Variants in COL5A2 observed in about 807,000 individuals in gnomAD.
COL5A2 encodes the protein collagen type V alpha 2 chain.
In COL5A2, 23 loss-of-function variants were observed where a neutral mutation model predicts 208.2. The ratio of observed to expected loss-of-function variants is 0.11; its 90% CI spans 0.08 to 0.16. The LOEUF (loss-of-function observed/expected upper bound fraction) is 0.16. COL5A2 is among the 10% of genes least tolerant of loss of function. The pLI is 1.00. For synonymous variants in COL5A2, 625 were observed against 628.5 expected (o/e 0.99, Z 0.08); for missense variants, 1,590 against 1,956.4 (o/e 0.81, Z 3.53).
chr2:189,183,801 T>C (rs1393207382), upstream of COL5A2, among the ~76,000 whole-genome samples: 1 of 152,186 alleles, frequency 6.6e-6, no homozygotes, highest in Non-Finnish European at 1.5e-5. Flanking sequence ...TAATAATGCA[T>C]GCCTATTTCT....
the COL5A2 span, among the ~76,000 whole-genome samples, chr2:189,289,153 C>A: frequency 6.6e-6 from 1 of 151,974 alleles, no homozygotes; most frequent in African/African-American, 2.4e-5. Flanking sequence ...ACCAGCCTGG[C>A]CAACATGGTG....
chr2:189,046,905 TGAGGTCAA>T (rs1319846657), intron 45 of COL5A2, among the ~76,000 whole-genome samples: 1 of 151,794 alleles, frequency 6.6e-6, no homozygotes, highest in Non-Finnish European at 1.5e-5. Flanking sequence ...GGCCGGATCA[TGAGGTCAA>T]GAGATCGAGA....
At chr2:189,439,818 A>T in the COL5A2 span, among the ~76,000 whole-genome samples, 1 of 152,240 alleles carries the variant, frequency 6.6e-6, no homozygotes, top group African/African-American at 2.4e-5. Context: ...AGTAACATAC[A>T]ACTAAAGTCA....
chr2:189,229,191 T>G (rs1280299679), upstream of COL5A2, among the ~76,000 whole-genome samples: 1 of 151,608 alleles, frequency 6.6e-6, no homozygotes, highest in Non-Finnish European at 1.5e-5. Flanking sequence ...AAGTCCACAG[T>G]GAACATCATA....
At chr2:189,312,195 T>A in the COL5A2 span, among the ~76,000 whole-genome samples, 979 of 152,274 alleles carry the variant, frequency 6.4e-3, 3 homozygotes, top group Non-Finnish European at 0.011. Flanking sequence ...CTTCTCCAGG[T>A]GCTCCCGGAT....
intron 6 of COL5A2, among the ~76,000 whole-genome samples, chr2:189,096,468 A>G (rs1686912709): frequency 6.6e-6 from 1 of 151,926 alleles, no homozygotes; most frequent in African/African-American, 2.4e-5. Flanking sequence ...AAAAAATACA[A>G]AAAATTAGCT....
the COL5A2 span, among the ~76,000 whole-genome samples, chr2:189,428,560 G>A: frequency 6.6e-6 from 1 of 152,136 alleles, no homozygotes; most frequent in Admixed American, 6.5e-5. Context: ...GGAGGTTGCA[G>A]TGAGCCAAGA....
rs1685509304 is a variant in COL5A2 at position 189,039,347 on chromosome 2, T to C, written c.3850A>G (p.Ser1284Gly). Reference sequence around the variant, plus strand: ...GGGTGCTTTTTCGAGCCATCGGGGCTGCGCATGGTTTCAATCTGACTACTG... The same window carrying C: ...GGGTGCTTTTTCGAGCCATCGGGGCCGCGCATGGTTTCAATCTGACTACTG... ...SLSSQIETMR[S>G]PDGSKKHPAR... Residue 1284 changes from serine to glycine, a missense_variant, in exon 51 of 54, where the codon AGC (serine) becomes GGC (glycine). Physicochemically the swap from Ser to Gly is moderately conservative, Grantham distance 56. Transcript: ENST00000374866. 6.2e-7 allele frequency: 1 copy of C among 1,613,978 alleles called. No individual in the cohort carries two copies. Among genetic ancestry groups the C allele is most frequent in the South Asian group, 1.1e-5 (1 of 91,084 alleles).
chr2:189,183,002 A>C (rs1002755897), upstream of COL5A2, among the ~76,000 whole-genome samples: 7 of 152,048 alleles, frequency 4.6e-5, no homozygotes, highest in African/African-American at 9.7e-5. Context: ...CCTCACTAAT[A>C]GTCAATCTTG....
chr2:189,126,811 A>T (rs1294141061), intron 1 of COL5A2, among the ~76,000 whole-genome samples: 2 of 152,100 alleles, frequency 1.3e-5, no homozygotes, highest in Non-Finnish European at 2.9e-5. Flanking sequence ...CCACAGAAAT[A>T]CTGCACTGCA....
At chr2:189,427,075 G>A in the COL5A2 span, among the ~76,000 whole-genome samples, 1 of 152,232 alleles carries the variant, frequency 6.6e-6, no homozygotes, top group Non-Finnish European at 1.5e-5. Flanking sequence ...AGGCATTTCA[G>A]AGACCCTCAT....
chr2:189,332,637 G>GA, the COL5A2 span, among the ~76,000 whole-genome samples: 1 of 152,182 alleles, frequency 6.6e-6, no homozygotes, highest in Admixed American at 6.5e-5. Context: ...ATCCATGTAA[G>GA]ATGTGACTTG....
At chr2:189,110,623 T>C (rs1320549310) in intron 1 of COL5A2, among the ~76,000 whole-genome samples, 174 bp from the exon 2 acceptor site, 1 of 152,166 alleles carries the variant, frequency 6.6e-6, no homozygotes, top group East Asian at 1.9e-4. Flanking sequence ...TAATTCACCA[T>C]GAAATAATGA....
At chr2:189,229,958 T>C (rs929791853), upstream of COL5A2, among the ~76,000 whole-genome samples, 4 of 151,674 alleles carry the variant, frequency 2.6e-5, no homozygotes, top group African/African-American at 9.7e-5. Flanking sequence ...CAATAATCAA[T>C]AGAGTATGGT....
At chr2:189,190,586 G>A (rs982744794) in intron 1 of COL5A2, among the ~76,000 whole-genome samples, 2 of 152,152 alleles carry the variant, frequency 1.3e-5, no homozygotes, top group African/African-American at 2.4e-5. Context: ...AAACCACAAT[G>A]TACTTAATTT....
chr2:189,399,143 G>A, the COL5A2 span, among the ~76,000 whole-genome samples: 2 of 151,948 alleles, frequency 1.3e-5, no homozygotes, highest in Admixed American at 6.6e-5. Flanking sequence ...GCTTTCAATA[G>A]GGATTATTTT....
chr2:189,399,824 G>A, the COL5A2 span, among the ~76,000 whole-genome samples: 2 of 151,880 alleles, frequency 1.3e-5, no homozygotes, highest in Non-Finnish European at 2.9e-5. Flanking sequence ...CTCAGCCTCT[G>A]GAATAGCTAA....
the COL5A2 span, among the ~76,000 whole-genome samples, chr2:189,373,718 T>A: frequency 6.6e-6 from 1 of 152,174 alleles, no homozygotes; most frequent in African/African-American, 2.4e-5. Context: ...TCTCACAATA[T>A]GTGAAACTAA....
intron 8 of COL5A2, 42 bp from the exon 9 acceptor site, chr2:189,086,812 C>A (rs1301018466): frequency 1.3e-6 from 2 of 1,494,498 alleles, no homozygotes; most frequent in East Asian, 4.7e-5. Context: ...GTACTCATGA[C>A]AATTAGGTCA....
Sources: allele counts gnomAD v4.1 joint callset (sites outside exome capture counted in the v4.1 genomes callset), GRCh38; gene constraint gnomAD v4.1.1; transcripts MANE v1.5; gene names NCBI Gene and HGNC (gene_info 2026-07-23, HGNC 2026-07-21).